Variants in MTMR1 observed in about 807,000 individuals in gnomAD.
MTMR1 encodes the protein myotubularin related protein 1.
A neutral mutation model predicts 51.6 loss-of-function variants in MTMR1; 17 were observed. The observed-to-expected ratio is 0.33, with a 90% CI of 0.23 to 0.49. MTMR1 has a LOEUF of 0.49. Among genes scored for constraint, MTMR1 ranks in the 20% least tolerant of loss-of-function variants. The pLI, the probability that MTMR1 is intolerant of heterozygous loss-of-function variation, is 0.99. For synonymous variants in MTMR1, 201 were observed against 205.6 expected (o/e 0.98, Z 0.19); for missense variants, 386 against 526.9 (o/e 0.73, Z 2.62).
chrX:150,694,153 G>C (rs2040588090), intron 1 of MTMR1, among the ~76,000 whole-genome samples: 1 of 111,485 alleles, frequency 9.0e-6, no homozygotes, highest in African/African-American at 3.3e-5. Flanking sequence ...GTGAGGACGG[G>C]GAGATGGGAC....
intron 4 of MTMR1, among the ~76,000 whole-genome samples, chrX:150,725,891 A>G (rs2041906705): frequency 9.0e-6 from 1 of 111,570 alleles, no homozygotes; most frequent in Admixed American, 9.5e-5. Flanking sequence ...ACAACTTATC[A>G]CTGTGCCCTT....
At chrX:150,711,538 C>T (rs1342068796) in intron 2 of MTMR1, among the ~76,000 whole-genome samples, 1 of 112,300 alleles carries the variant, frequency 8.9e-6, no homozygotes, top group African/African-American at 3.2e-5. Flanking sequence ...TCTGGCCATT[C>T]CCTCTGACCA....
chrX:150,709,189 CT>C (rs1178803125), intron 2 of MTMR1, among the ~76,000 whole-genome samples: 5 of 112,179 alleles, frequency 4.5e-5, no homozygotes, highest in African/African-American at 1.6e-4. Context: ...TCTCCTACGG[CT>C]TCCATCAGAA....
At chrX:150,758,723 G>A (rs1241239079) in intron 15 of MTMR1, among the ~76,000 whole-genome samples, 2 of 109,218 alleles carry the variant, frequency 1.8e-5, no homozygotes, top group Non-Finnish European at 3.8e-5. Context: ...CCTGGGAGGC[G>A]GAGGTTGTAG....
At chrX:150,713,932 C>T (rs1316311425) in intron 3 of MTMR1, among the ~76,000 whole-genome samples, 1 of 111,612 alleles carries the variant, frequency 9.0e-6, no homozygotes, top group Non-Finnish European at 1.9e-5. Flanking sequence ...CACACACACA[C>T]ACACACACAC....
intron 3 of MTMR1, among the ~76,000 whole-genome samples, chrX:150,713,307 G>A (rs1324058357): frequency 2.7e-5 from 3 of 111,646 alleles, no homozygotes; most frequent in Admixed American, 9.5e-5. Context: ...TTAATTACTC[G>A]ATTTTCTTTA....
chrX:150,746,021 A>G (rs1394878099), intron 13 of MTMR1, among the ~76,000 whole-genome samples: 2 of 112,334 alleles, frequency 1.8e-5, no homozygotes, highest in Non-Finnish European at 3.8e-5. Context: ...TGAAATGCAG[A>G]TTCTGATTCA....
chrX:150,762,585 CAAG>C lies in MTMR1; in HGVS notation c.1879_1881del (p.Lys627del), dbSNP rs781853804. ...TCCAGATGCCCATTCACCAGAATCT[CAAG>C]GAGCTGCTGGCCGTCAGGGCGGAGC... On this transcript the variant is annotated inframe_deletion, in exon 16 of 16. Transcript: ENST00000445323. 2 of 1,210,807 alleles carry C rather than the reference CAAG, an allele frequency of 1.7e-6. No individual in the cohort carries two copies. Among genetic ancestry groups the C allele is most frequent in the African/African-American group, 3.5e-5 (2 of 57,452 alleles).
At chrX:150,724,680 G>A (rs982012391) in intron 4 of MTMR1, among the ~76,000 whole-genome samples, 1 of 111,752 alleles carries the variant, frequency 8.9e-6, no homozygotes, top group Non-Finnish European at 1.9e-5. Context: ...GTCCAGAATG[G>A]TACTGCCTAG....
chrX:150,734,116 G>A (rs2042196080), intron 10 of MTMR1, among the ~76,000 whole-genome samples: 1 of 112,040 alleles, frequency 8.9e-6, no homozygotes, highest in Admixed American at 9.4e-5. Context: ...AGCCTTCCTG[G>A]GCTTGCAGCC....
intron 5 of MTMR1, 73 bp from the exon 6 acceptor site, chrX:150,727,611 A>T: frequency 1.2e-6 from 1 of 827,159 alleles, no homozygotes; most frequent in Non-Finnish European, 1.8e-6. Flanking sequence ...ATGTTTTGTA[A>T]CCCAGCAAAG....
chrX:150,760,941 A>G (rs868956717), intron 15 of MTMR1, among the ~76,000 whole-genome samples: 2 of 104,496 alleles, frequency 1.9e-5, no homozygotes, highest in African/African-American at 3.7e-5. Flanking sequence ...CAAAAAAAAA[A>G]AAAAAAAGAA....
chrX:150,737,047 A>G (rs1228409998), intron 11 of MTMR1, among the ~76,000 whole-genome samples, 195 bp from the exon 12 acceptor site: 2 of 111,620 alleles, frequency 1.8e-5, no homozygotes, highest in African/African-American at 6.5e-5. Context: ...TTTCTCCAGT[A>G]TAAGATTTTT....
chrX:150,727,659 C>T (rs375889275), intron 5 of MTMR1, 25 bp from the exon 6 acceptor site: 105 of 1,072,526 alleles, frequency 9.8e-5, no homozygotes, highest in Non-Finnish European at 1.3e-4. Flanking sequence ...CACTAATAGG[C>T]ATTGATCTTA....
rs1557415630 is a variant in MTMR1 at position 150,693,576 on chromosome X, G to C, written c.46G>C (p.Gly16Arg). ...AAAAAGCEGGGGPNPGPAGGR... is the reference protein window; with the variant it reads ...AAAAAGCEGGRGPNPGPAGGR... ...GGCGGCGGCGGGCTGCGAGGGCGGC[G>C]GGGGCCCGAACCCGGGGCCGGCGGG... Residue 16 changes from glycine to arginine, a missense_variant, in exon 1 of 16, where the codon GGG becomes CGG. Physicochemically the swap from Gly to Arg is moderately radical, Grantham distance 125. Transcript: ENST00000445323. The C allele has an allele frequency of 2.4e-5, 18 of 759,792 alleles. No homozygotes were observed. The highest frequency in any genetic ancestry group is 2.8e-5 in the Non-Finnish European group (18 of 644,258). 62.6% of individuals were successfully genotyped at this position (759,792 alleles called of 1,213,427 possible).
At chrX:150,727,348 C>CT in intron 5 of MTMR1, 39 bp downstream of exon 5, 1 of 1,070,169 alleles carries the variant, frequency 9.3e-7, no homozygotes. Flanking sequence ...AAAAGAAACA[C>CT]TTTTAAAAGA....
rs1376195174 is a variant in MTMR1 at position 150,732,449 on chromosome X, C to T, written c.892-93C>T. 8 of 810,200 alleles carry T rather than the reference C, an allele frequency of 9.9e-6. No individual in the cohort carries two copies. The East Asian group carries it at 1.7e-4, about 18-fold the overall frequency. 66.8% of individuals were successfully genotyped at this position (810,200 alleles called of 1,213,427 possible). A position where few individuals can be genotyped will look rare whatever the true frequency, so the allele number is the denominator to read the frequency against. ...TTTGAAGAAAATATGTATAAGAGAC[C>T]GTGCTTGAGAAGGGAACTTGTTTTT... On this transcript the variant is annotated intron_variant, in intron 9 of 15. Transcript: ENST00000445323.
At chrX:150,755,595 T>G in intron 14 of MTMR1, 94 bp from the exon 15 acceptor site, 1 of 691,315 alleles carries the variant, frequency 1.4e-6, no homozygotes, top group South Asian at 3.3e-5. Context: ...AGCGTTTGAA[T>G]TCACTTCATT....
intron 2 of MTMR1, among the ~76,000 whole-genome samples, chrX:150,705,826 AC>A (rs2041081837): frequency 1.8e-5 from 2 of 112,159 alleles, no homozygotes; most frequent in Non-Finnish European, 3.8e-5. Context: ...TAGTGAGGTC[AC>A]AGGATACAAG....
Sources: gnomAD v4.1 joint callset for allele counts (sites outside exome capture counted in the v4.1 genomes callset) on GRCh38, gnomAD v4.1.1 for gene constraint, MANE v1.5 for transcripts, NCBI Gene and HGNC (gene_info 2026-07-23, HGNC 2026-07-21) for gene names.